Variants in GPHN observed in about 807,000 individuals in gnomAD.
GPHN encodes the protein gephyrin.
A neutral mutation model predicts 95.5 loss-of-function variants in GPHN; 17 were observed. That is an observed-to-expected ratio of 0.18 (90% CI 0.12 to 0.27). The LOEUF is 0.27. Ranked by LOEUF, GPHN falls within the 10% of genes least tolerant of loss-of-function variation. The pLI is 1.00. For synonymous variants in GPHN, 320 were observed against 322.5 expected, an observed-to-expected ratio of 0.99 and a Z score of 0.08; for missense variants, 660 against 978.1, an observed-to-expected ratio of 0.67 and a Z score of 4.34.
At chr14:67,667,104 T>C in the GPHN span, among the ~76,000 whole-genome samples, 4 of 152,150 alleles carry the variant, frequency 2.6e-5, no homozygotes, top group Admixed American at 6.6e-5. Context: ...GGACCAACTC[T>C]GTCTCCTTTG....
the GPHN span, among the ~76,000 whole-genome samples, chr14:67,664,089 T>TTA: frequency 6.6e-6 from 1 of 152,306 alleles, no homozygotes. Flanking sequence ...TTACAATGTT[T>TTA]GTTTGTTTGT....
At chr14:66,516,471 C>T (rs1333279780) in intron 1 of GPHN, among the ~76,000 whole-genome samples, 1 of 152,136 alleles carries the variant, frequency 6.6e-6, no homozygotes, top group Non-Finnish European at 1.5e-5. Flanking sequence ...ACCACATAAA[C>T]TTGCTAAGAA....
At chr14:67,728,750 T>C in the GPHN span, among the ~76,000 whole-genome samples, 2 of 149,260 alleles carry the variant, frequency 1.3e-5, no homozygotes, top group Non-Finnish European at 3.0e-5. Flanking sequence ...CATCCCTCAA[T>C]CTATACCTCA....
chr14:66,930,772 C>T (rs907680885), intron 8 of GPHN, among the ~76,000 whole-genome samples: 2 of 152,164 alleles, frequency 1.3e-5, no homozygotes, highest in African/African-American at 4.8e-5. Context: ...GCGATCCACC[C>T]ACCTTGCCCT....
chr14:67,474,270 A>AAC, the GPHN span, among the ~76,000 whole-genome samples: 1 of 140,038 alleles, frequency 7.1e-6, no homozygotes, highest in African/African-American at 2.8e-5. Context: ...CAAAACAAAA[A>AAC]AAAAACAGAG....
the GPHN span, chr14:67,312,548 G>C: frequency 5.0e-6 from 8 of 1,592,516 alleles, no homozygotes; most frequent in African/African-American, 9.4e-5. Context: ...AGCTCATTTT[G>C]ACTATGACCC....
chr14:67,686,647 A>G, the GPHN span, among the ~76,000 whole-genome samples: 1 of 151,910 alleles, frequency 6.6e-6, no homozygotes, highest in African/African-American at 2.4e-5. Context: ...GCAAAAAAAA[A>G]AAAAAAAAAA....
chr14:66,692,120 A>G (rs928744247), intron 2 of GPHN, among the ~76,000 whole-genome samples: 12 of 152,276 alleles, frequency 7.9e-5, no homozygotes, highest in Non-Finnish European at 1.8e-4. Context: ...TAGGTTAAGG[A>G]TTACTAATAT....
the GPHN span, among the ~76,000 whole-genome samples, chr14:67,366,081 C>CTTT: frequency 7.1e-6 from 1 of 141,040 alleles, no homozygotes; most frequent in Non-Finnish European, 1.6e-5. Flanking sequence ...TAATCTTGTA[C>CTTT]TTTTTTTTTT....
At chr14:67,337,526 AAAAAG>A in the GPHN span, 1 of 152,296 alleles carries the variant, frequency 6.6e-6, no homozygotes, top group African/African-American at 2.4e-5. Flanking sequence ...CAAAAAAAAA[AAAAAG>A]AAAGAAAAAC....
At chr14:67,432,592 CTA>C in the GPHN span, among the ~76,000 whole-genome samples, 1 of 152,192 alleles carries the variant, frequency 6.6e-6, no homozygotes, top group Non-Finnish European at 1.5e-5. Context: ...TCAGGACAGA[CTA>C]TGTGAAGAGC....
chr14:66,613,611 G>A lies in GPHN; in HGVS notation c.65-67496G>A, dbSNP rs111493032. Among the ~76,000 whole-genome samples the A allele has an allele frequency of 3.6e-3, 554 of 152,184 alleles. 12 individuals carry two copies. Among genetic ancestry groups the A allele is most frequent in the African/African-American group, 0.013 (528 of 41,548 alleles). The stretch of plus-strand genomic sequence containing the variant: ...AAGAGCTTCAAGTATTGATTTTGGG[G>A]TTACTAACAAATTTTAGTTAGGAGG... On this transcript the variant is annotated intron_variant, in intron 1 of 22. Transcript: ENST00000478722.
intron 1 of GPHN, among the ~76,000 whole-genome samples, chr14:66,583,187 T>C (rs2061269042): frequency 6.6e-6 from 1 of 152,196 alleles, no homozygotes; most frequent in Non-Finnish European, 1.5e-5. Context: ...TGTCTTCTTT[T>C]GAGAAGTGTC....
At chr14:66,609,043 T>C (rs563432213) in intron 1 of GPHN, among the ~76,000 whole-genome samples, 3 of 152,132 alleles carry the variant, frequency 2.0e-5, no homozygotes, top group Admixed American at 6.6e-5. Flanking sequence ...GCTGGTTGTT[T>C]TGTAGAGTTG....
the GPHN span, among the ~76,000 whole-genome samples, chr14:67,680,761 G>A: frequency 3.9e-5 from 6 of 152,352 alleles, no homozygotes; most frequent in African/African-American, 9.6e-5. Flanking sequence ...GCCCAGCCAA[G>A]TAAGAGCTAG....
chr14:66,774,859 A>T (rs528969721), intron 2 of GPHN, among the ~76,000 whole-genome samples: 343 of 152,318 alleles, frequency 2.3e-3, no homozygotes, highest in African/African-American at 7.7e-3. Context: ...AATGATATAA[A>T]AGTATACTTT....
chr14:66,545,947 G>A (rs561571257), intron 1 of GPHN, among the ~76,000 whole-genome samples: 27 of 151,694 alleles, frequency 1.8e-4, no homozygotes, highest in South Asian at 1.7e-3. Context: ...GGTGGCTGCC[G>A]GGCGGTGACG....
chr14:67,567,139 CGT>C, the GPHN span, among the ~76,000 whole-genome samples: 1 of 112,890 alleles, frequency 8.9e-6, no homozygotes, highest in Non-Finnish European at 2.0e-5. Context: ...CATGATCACT[CGT>C]GTTCCGTGTT....
chr14:66,757,672 G>A (rs2058613610), intron 2 of GPHN, among the ~76,000 whole-genome samples: 1 of 152,188 alleles, frequency 6.6e-6, no homozygotes, highest in Admixed American at 6.5e-5. Flanking sequence ...TTACAGGCGT[G>A]AGCCACCACA....
Sources: gnomAD v4.1 joint callset for allele counts (sites outside exome capture counted in the v4.1 genomes callset) on GRCh38, gnomAD v4.1.1 for gene constraint, MANE v1.5 for transcripts, NCBI Gene and HGNC (gene_info 2026-07-23, HGNC 2026-07-21) for gene names.